The following ZC3H13 variants were observed in gnomAD, a reference collection of about 807,000 sequenced individuals.
ZC3H13 encodes the protein zinc finger CCCH-type containing 13.
In ZC3H13, 64 loss-of-function variants were observed where a neutral mutation model predicts 204.1. That is an observed-to-expected ratio of 0.31 (90% CI 0.26 to 0.39). The LOEUF (loss-of-function observed/expected upper bound fraction) is 0.39, where lower values mean the gene tolerates loss of function less well. Among genes scored for constraint, ZC3H13 ranks in the 10% least tolerant of loss-of-function variants. ZC3H13 has a pLI of 1.00. For synonymous variants in ZC3H13, 667 were observed against 693.7 expected (o/e 0.96, Z 0.60); for missense variants, 1,833 against 2,082.7 (o/e 0.88, Z 2.33).
intron 4 of ZC3H13, among the ~76,000 whole-genome samples, chr13:46,041,130 G>A (rs1333213044): frequency 6.6e-6 from 1 of 152,034 alleles, no homozygotes; most frequent in African/African-American, 2.4e-5. Context: ...GTACATAAAT[G>A]TTCATAGCAG....
At chr13:46,035,815 A>G (rs1472942100) in intron 4 of ZC3H13, among the ~76,000 whole-genome samples, 1 of 152,230 alleles carries the variant, frequency 6.6e-6, no homozygotes, top group African/African-American at 2.4e-5. Context: ...GTTAAAAGAC[A>G]AAGTCAAGAG....
intron 10 of ZC3H13, among the ~76,000 whole-genome samples, chr13:45,983,411 A>ATTTT (rs1566202037): frequency 1.9e-4 from 4 of 20,644 alleles, no homozygotes; most frequent in African/African-American, 3.4e-4. Context: ...TTATATATAT[A>ATTTT]TATTTTTTTT....
At chr13:45,962,164 T>G (rs945859184) in intron 17 of ZC3H13, 1 of 985,208 alleles carries the variant, frequency 1.0e-6, no homozygotes, top group Non-Finnish European at 1.2e-6. Context: ...AGATAGATAA[T>G]TAGACCTTGG....
intron 17 of ZC3H13, among the ~76,000 whole-genome samples, chr13:45,960,278 C>T (rs1255124705): frequency 1.3e-5 from 2 of 152,038 alleles, no homozygotes; most frequent in African/African-American, 2.4e-5. Context: ...ATTTAAAGAA[C>T]GTTTTTAAAG....
intron 11 of ZC3H13, among the ~76,000 whole-genome samples, chr13:45,976,881 A>G (rs1000263412): frequency 2.6e-5 from 4 of 152,198 alleles, no homozygotes; most frequent in African/African-American, 7.2e-5. Context: ...CAACTCATTA[A>G]GCAGAACAAT....
At chr13:46,003,035 C>A in intron 8 of ZC3H13, 104 bp downstream of exon 8, 1 of 1,130,904 alleles carries the variant, frequency 8.8e-7, no homozygotes, top group Non-Finnish European at 1.3e-6. Flanking sequence ...CTATTGTAAA[C>A]AAAACTAAAA....
intron 4 of ZC3H13, among the ~76,000 whole-genome samples, chr13:46,033,911 A>G (rs988106728): frequency 1.3e-4 from 20 of 152,170 alleles, no homozygotes; most frequent in African/African-American, 4.6e-4. Flanking sequence ...ACGTATTTGC[A>G]ATACATATAT....
chr13:45,964,989 G>A (rs973622348), intron 16 of ZC3H13, among the ~76,000 whole-genome samples: 3 of 152,136 alleles, frequency 2.0e-5, no homozygotes, highest in Non-Finnish European at 2.9e-5. Flanking sequence ...TAGACAATCA[G>A]TATTTGTTTA....
chr13:46,003,387 A>AT, intron 7 of ZC3H13, 51 bp from the exon 8 acceptor site: 1 of 1,543,162 alleles, frequency 6.5e-7, no homozygotes, highest in South Asian at 1.2e-5. Context: ...CCAAAAGGAT[A>AT]TTTTTTAAAG....
At chr13:45,971,624 T>C (rs964500878) in intron 12 of ZC3H13, among the ~76,000 whole-genome samples, 1 of 152,086 alleles carries the variant, frequency 6.6e-6, no homozygotes, top group Admixed American at 6.6e-5. Flanking sequence ...TGGCCAAGAT[T>C]CTAAAAGCAA....
chr13:46,041,212 G>A (rs2043557223), intron 4 of ZC3H13, among the ~76,000 whole-genome samples: 1 of 151,980 alleles, frequency 6.6e-6, no homozygotes, highest in Admixed American at 6.6e-5. Context: ...AACAAAATGT[G>A]ATATTATCAA....
intron 4 of ZC3H13, among the ~76,000 whole-genome samples, chr13:46,025,502 G>T (rs1222717214): frequency 2.0e-5 from 3 of 152,184 alleles, no homozygotes; most frequent in African/African-American, 7.2e-5. Context: ...TAGAGACAGG[G>T]TCTCTCTATG....
intron 1 of ZC3H13, among the ~76,000 whole-genome samples, chr13:46,051,127 T>C (rs931168710): frequency 6.6e-6 from 1 of 152,204 alleles, no homozygotes; most frequent in African/African-American, 2.4e-5. Flanking sequence ...ACTGATGATA[T>C]TACAATTTTA....
At chr13:45,963,652 ACT>A (rs1177639726) in intron 17 of ZC3H13, 188 bp downstream of exon 17, 1 of 1,410,040 alleles carries the variant, frequency 7.1e-7, no homozygotes, top group Admixed American at 3.0e-5. Flanking sequence ...CTGTGGGATA[ACT>A]CTTCTTCTCA....
At chr13:45,980,537 G>T (rs1953480077) in intron 10 of ZC3H13, among the ~76,000 whole-genome samples, 1 of 152,144 alleles carries the variant, frequency 6.6e-6, no homozygotes, top group African/African-American at 2.4e-5. Context: ...TCTTTCAATG[G>T]ATGAACAGTT....
rs1023454828 is a variant in ZC3H13, at chr13:46,011,418, C to T, written c.585G>A (p.Lys195=). ...MEKREEIIIK[K]EVSPEVVRSK... is the part of the protein sequence containing the mutation. ...TTTATTGCAATAAATAGCATACCTC[C>T]TTTTTAATGATAATTTCTTCTCTCT... The change falls in exon 6 of 19, where the codon AAG becomes AAA. Residue 195 remains lysine (K), a synonymous_variant. Coordinates refer to ENST00000679008, the MANE Select transcript of ZC3H13 (RefSeq NM_001330564.2). 1.2e-6 allele frequency: 2 copies of T among 1,603,904 alleles called. No homozygotes were observed. The highest frequency in any genetic ancestry group is 1.3e-5 in the African/African-American group (1 of 74,388).
chr13:46,028,237 G>C (rs2042662516), intron 4 of ZC3H13, among the ~76,000 whole-genome samples: 1 of 152,088 alleles, frequency 6.6e-6, no homozygotes, highest in African/African-American at 2.4e-5. Flanking sequence ...ACAAAGAGGA[G>C]CACTGCATAA....
chr13:45,963,448 G>A (rs1157533335), intron 17 of ZC3H13: 3 of 999,272 alleles, frequency 3.0e-6, no homozygotes, highest in Non-Finnish European at 3.6e-6. Flanking sequence ...TTGAGACAGG[G>A]TCTTGCTCTG....
chr13:45,960,179 A>G (rs1352207121), intron 17 of ZC3H13, among the ~76,000 whole-genome samples: 3 of 150,794 alleles, frequency 2.0e-5, no homozygotes, highest in Non-Finnish European at 4.4e-5. Context: ...CTAGTCTTGA[A>G]CTCCTGACCT....
Sources: gnomAD v4.1 joint callset for allele counts (sites outside exome capture counted in the v4.1 genomes callset) on GRCh38, gnomAD v4.1.1 for gene constraint, MANE v1.5 for transcripts, NCBI Gene and HGNC (gene_info 2026-07-23, HGNC 2026-07-21) for gene names.